Variants in PRLR observed in about 807,000 individuals in gnomAD.
PRLR encodes the protein hPRL receptor.
In PRLR, 13 loss-of-function variants were observed where a neutral mutation model predicts 40.2. The observed-to-expected ratio is 0.32, with a 90% CI of 0.21 to 0.51. PRLR has a LOEUF of 0.51. Among genes scored for constraint, PRLR ranks in the 20% least tolerant of loss-of-function variants. PRLR has a pLI of 0.97. For synonymous variants in PRLR, 269 were observed against 278.7 expected, an observed-to-expected ratio of 0.97 and a Z score of 0.35; for missense variants, 656 against 747.3, an observed-to-expected ratio of 0.88 and a Z score of 1.42.
At chr5:35,224,685 C>T (rs913179499) in intron 1 of PRLR, among the ~76,000 whole-genome samples, 2 of 151,190 alleles carry the variant, frequency 1.3e-5, no homozygotes, top group Non-Finnish European at 2.9e-5. Context: ...ATTATCTCAT[C>T]AACACCAAAC....
chr5:35,112,576 A>G (rs1772729660), intron 2 of PRLR, among the ~76,000 whole-genome samples: 1 of 152,036 alleles, frequency 6.6e-6, no homozygotes, highest in Non-Finnish European at 1.5e-5. Context: ...CACTGGGCTC[A>G]AGGTGAAAAC....
At chr5:35,199,206 A>G (rs961742076) in intron 1 of PRLR, among the ~76,000 whole-genome samples, 1 of 152,208 alleles carries the variant, frequency 6.6e-6, no homozygotes, top group African/African-American at 2.4e-5. Flanking sequence ...GAAATGCTAT[A>G]GGAGGAATGC....
chr5:35,051,067 G>A (rs1053654999), downstream of PRLR, among the ~76,000 whole-genome samples: 5 of 152,190 alleles, frequency 3.3e-5, no homozygotes, highest in African/African-American at 1.2e-4. Context: ...CAAGGTCAAA[G>A]TCCTTTTGTT....
At chr5:35,200,208 T>C (rs1281905575) in intron 1 of PRLR, among the ~76,000 whole-genome samples, 7 of 152,206 alleles carry the variant, frequency 4.6e-5, no homozygotes, top group Non-Finnish European at 7.4e-5. Flanking sequence ...ATAATATAGT[T>C]AACACGCCTG....
intron 1 of PRLR, among the ~76,000 whole-genome samples, chr5:35,150,165 T>A (rs1774299912): frequency 6.6e-6 from 1 of 152,226 alleles, no homozygotes; most frequent in South Asian, 2.1e-4. Flanking sequence ...ATTACAGGCG[T>A]GAGCCACCAC....
chr5:35,143,232 G>C (rs1774074096), intron 1 of PRLR, among the ~76,000 whole-genome samples: 1 of 152,148 alleles, frequency 6.6e-6, no homozygotes, highest in Non-Finnish European at 1.5e-5. Context: ...CTCTGCTATT[G>C]CAGTATGAAG....
chr5:35,068,781 A>G lies in PRLR; in HGVS notation c.783T>C (p.Tyr261=), dbSNP rs949982602. The stretch of plus-strand genomic sequence containing the variant: ...AAAGTTGAGAGACAGTGAAGTACCT[A>G]TAGCCCTTCAAAGCCACTGCCCAGA... The part of the protein sequence containing the change: ...IIVWAVALKG[Y]SMVTCIFPPV... Residue 261 remains tyrosine (Y), a splice_region_variant and synonymous_variant, in exon 8 of 10, where the codon TAT becomes TAC. Transcript: ENST00000618457. The G allele has an allele frequency of 3.8e-6, 6 of 1,590,960 alleles. No homozygotes were observed. The African/African-American group carries it at 8.1e-5, about 21-fold the overall frequency.
intron 1 of PRLR, among the ~76,000 whole-genome samples, chr5:35,124,274 C>A (rs1773385084): frequency 6.6e-6 from 1 of 152,166 alleles, no homozygotes; most frequent in African/African-American, 2.4e-5. Context: ...TATTACAAGG[C>A]AAAGTAGCTT....
intron 3 of PRLR, among the ~76,000 whole-genome samples, chr5:35,087,299 T>C (rs1044972747): frequency 6.6e-6 from 1 of 152,152 alleles, no homozygotes; most frequent in Non-Finnish European, 1.5e-5. Context: ...CACTTTTCCT[T>C]GATTTTATTC....
downstream of PRLR, among the ~76,000 whole-genome samples, chr5:35,053,806 T>C (rs1000278978): frequency 1.3e-5 from 2 of 152,226 alleles, no homozygotes; most frequent in Non-Finnish European, 2.9e-5. Context: ...TAGGCTCATC[T>C]GAAAATTCAT....
chr5:35,132,396 G>GAT, intron 1 of PRLR, among the ~76,000 whole-genome samples: 1 of 151,884 alleles, frequency 6.6e-6, no homozygotes, highest in East Asian at 1.9e-4. Flanking sequence ...GTGAAATCTG[G>GAT]ATATATATTA....
In PRLR at chr5:35,058,304, G is replaced by GT. The variant is rs1165478412; in HGVS notation, c.*6784_*6785insA. ...ATTATGTATAACTTCACTTCAATATGGCTTTACAGAAGACACAGTCACCCA... is the reference window on the plus strand; with the variant it reads ...ATTATGTATAACTTCACTTCAATATGTGCTTTACAGAAGACACAGTCACCCA... On this transcript the variant is annotated 3_prime_UTR_variant, in exon 10 of 10. Transcript: ENST00000618457. 38 of 152,162 alleles carry GT rather than the reference G, an allele frequency of 2.5e-4. No homozygotes were observed. The highest frequency in any genetic ancestry group is 8.4e-4 in the African/African-American group (35 of 41,422). The allele number at this position is 152,162 out of a possible 1,614,324, so 9.4% of individuals were successfully genotyped here. A position where few individuals can be genotyped will look rare whatever the true frequency, so the allele number is the denominator to read the frequency against.
chr5:35,223,940 T>C (rs530053414), intron 1 of PRLR, among the ~76,000 whole-genome samples: 1 of 152,328 alleles, frequency 6.6e-6, no homozygotes, highest in Admixed American at 6.5e-5. Context: ...GCTCATTATT[T>C]TCTTAAATTG....
intron 6 of PRLR, among the ~76,000 whole-genome samples, chr5:35,072,256 C>T (rs1458403632): frequency 6.6e-6 from 1 of 152,120 alleles, no homozygotes; most frequent in Non-Finnish European, 1.5e-5. Flanking sequence ...ACGGGATATA[C>T]TGAGACTGCC....
At chr5:35,225,230 A>C (rs2111687682) in intron 1 of PRLR, among the ~76,000 whole-genome samples, 2 of 152,320 alleles carry the variant, frequency 1.3e-5, no homozygotes, top group Middle Eastern at 6.8e-3. Context: ...GATTTACCTG[A>C]GTGAGAGGAT....
At chr5:35,207,697 A>C (rs1288215548) in intron 1 of PRLR, among the ~76,000 whole-genome samples, 2 of 152,052 alleles carry the variant, frequency 1.3e-5, no homozygotes, top group Non-Finnish European at 2.9e-5. Flanking sequence ...GAATAAAAAC[A>C]TCTTATTCTC....
chr5:35,088,759 C>T (rs1200199233), intron 3 of PRLR, among the ~76,000 whole-genome samples: 1 of 152,080 alleles, frequency 6.6e-6, no homozygotes, highest in Non-Finnish European at 1.5e-5. Flanking sequence ...ATCAAAAGTA[C>T]ACACACCACA....
At chr5:35,212,596 T>C (rs570985339) in intron 1 of PRLR, among the ~76,000 whole-genome samples, 1 of 152,370 alleles carries the variant, frequency 6.6e-6, no homozygotes, top group South Asian at 2.1e-4. Flanking sequence ...ATGAAATTAA[T>C]TTGTATACAT....
chr5:35,199,932 ATGGGGT>A (rs1775835134), intron 1 of PRLR, among the ~76,000 whole-genome samples: 1 of 152,222 alleles, frequency 6.6e-6, no homozygotes, highest in African/African-American at 2.4e-5. Context: ...AGAGTAGGAA[ATGGGGT>A]TGATCTCAAT....
Sources: allele counts gnomAD v4.1 joint callset (sites outside exome capture counted in the v4.1 genomes callset), GRCh38; gene constraint gnomAD v4.1.1; transcripts MANE v1.5; gene names NCBI Gene and HGNC (gene_info 2026-07-23, HGNC 2026-07-21).